The following RASSF5 variants were observed in gnomAD, a reference collection of about 807,000 sequenced individuals.
RASSF5 encodes ras association domain-containing protein 5.
In RASSF5, 25 loss-of-function variants were observed where a neutral mutation model predicts 40.5. That is an observed-to-expected ratio of 0.62 (90% confidence interval 0.45 to 0.86). The LOEUF is 0.86. Ranked by LOEUF, RASSF5 falls within the 40% of genes least tolerant of loss-of-function variation. The pLI is 0.00. For missense variants in RASSF5, 521 were observed against 572.8 expected (o/e 0.91, Z 0.92); for synonymous variants, 246 against 252.4 (o/e 0.97, Z 0.24).
At chr1:206,555,783 G>A (rs1667966587) in intron 2 of RASSF5, among the ~76,000 whole-genome samples, 1 of 152,206 alleles carries the variant, frequency 6.6e-6, no homozygotes, top group Non-Finnish European at 1.5e-5. Flanking sequence ...CAGGCTTCTG[G>A]GAAGAAGACT....
chr1:206,529,529 C>G, intron 1 of RASSF5: 1 of 1,269,580 alleles, frequency 7.9e-7, no homozygotes, highest in Non-Finnish European at 1.1e-6. Flanking sequence ...CACAGGTTAA[C>G]TCAGAAGACA....
Position 206,511,885 on chromosome 1 carries a change from C to T in RASSF5, c.457+3826C>T, listed in dbSNP as rs1192331148. 3.9e-5 allele frequency among the ~76,000 whole-genome samples: 6 copies of T among 152,120 alleles called. No homozygotes were observed. In the East Asian group the frequency reaches 5.8e-4, roughly 15 times the overall value. On this transcript the variant is annotated intron_variant, in intron 1 of 5. Coordinates refer to ENST00000579436, the MANE Select transcript of RASSF5 (RefSeq NM_182663.4). Reference sequence around the variant, plus strand: ...CCCCCGATCCTGCAGACCCATCCCCCGCTTGTGGGTTCTTTGTGAAAAAGG... The same window carrying T: ...CCCCCGATCCTGCAGACCCATCCCCTGCTTGTGGGTTCTTTGTGAAAAAGG...
At chr1:206,564,088 C>T (rs1183280389) in intron 2 of RASSF5, among the ~76,000 whole-genome samples, 4 of 152,224 alleles carry the variant, frequency 2.6e-5, no homozygotes, top group South Asian at 4.1e-4. Flanking sequence ...TCCTGTCCTT[C>T]TCAACAAACA....
chr1:206,553,118 C>T (rs1037476862), intron 2 of RASSF5, among the ~76,000 whole-genome samples: 2 of 151,998 alleles, frequency 1.3e-5, no homozygotes, highest in African/African-American at 4.8e-5. Context: ...AGGAGAATGG[C>T]GTGAACCTGG....
chr1:206,557,714 C>G (rs782264072), intron 2 of RASSF5: 1 of 1,612,796 alleles, frequency 6.2e-7, no homozygotes, highest in African/African-American at 1.3e-5. Context: ...TAATGGAATG[C>G]AGGAGCCTTT....
intron 2 of RASSF5, chr1:206,572,759 A>G (rs1668491951): frequency 6.6e-6 from 1 of 152,250 alleles, no homozygotes; most frequent in Non-Finnish European, 1.5e-5. Context: ...TTAATATAGG[A>G]TATTGATGTA....
Position 206,583,349 on chromosome 1 carries a change from G to A in RASSF5, c.660G>A (p.Thr220=), listed in dbSNP as rs782460962. Residue 220 remains threonine, a synonymous_variant, in exon 3 of 6, where the codon ACG becomes ACA. Transcript: ENST00000579436. The part of the protein sequence containing the change: ...EIKQKIDSYN[T]REKNCLGMKL... The stretch of plus-strand genomic sequence containing the variant: ...AGCAGAAGATCGACAGCTACAACAC[G>A]CGAGAGAAGAACTGCCTGGGCATGA... The A allele has an allele frequency of 1.6e-4, 252 of 1,613,722 alleles. 3 individuals carry two copies. In the South Asian group the frequency reaches 2.3e-3, roughly 15 times the overall value.
chr1:206,585,348 G>A, intron 5 of RASSF5, 53 bp downstream of exon 5: 1 of 1,350,902 alleles, frequency 7.4e-7, no homozygotes, highest in Non-Finnish European at 1.1e-6. Flanking sequence ...CTGGGTGGGT[G>A]CAGGTGGGTG....
chr1:206,586,728 A>T (rs1394180024), intron 5 of RASSF5, 98 bp from the exon 6 acceptor site: 2 of 913,380 alleles, frequency 2.2e-6, no homozygotes, highest in African/African-American at 3.3e-5. Context: ...ACGGATGTGA[A>T]CTGGGAAGGG....
intron 1 of RASSF5, among the ~76,000 whole-genome samples, chr1:206,524,861 A>G (rs1467234789): frequency 6.6e-6 from 1 of 150,966 alleles, no homozygotes; most frequent in Non-Finnish European, 1.5e-5. Flanking sequence ...ATGCACACAT[A>G]CACACACACA....
At chr1:206,567,583 C>T (rs782190906) in intron 2 of RASSF5, among the ~76,000 whole-genome samples, 1 of 152,018 alleles carries the variant, frequency 6.6e-6, no homozygotes, top group East Asian at 1.9e-4. Context: ...CTCGGGGAAC[C>T]ACCACTCTAG....
At chr1:206,545,345 GTTT>G (rs10709687) in intron 2 of RASSF5, among the ~76,000 whole-genome samples, 5,065 of 130,242 alleles carry the variant, frequency 0.039, 312 homozygotes, top group African/African-American at 0.13. Flanking sequence ...AATTTCTTGT[GTTT>G]TTTTTTTTTT....
chr1:206,585,387 G>A, intron 5 of RASSF5, 92 bp downstream of exon 5: 2 of 890,476 alleles, frequency 2.2e-6, no homozygotes, highest in Non-Finnish European at 3.8e-6. Flanking sequence ...ATAGGTGGGA[G>A]CCACGCAGCA....
intron 2 of RASSF5, among the ~76,000 whole-genome samples, chr1:206,550,630 A>T (rs1392994921): frequency 2.6e-5 from 4 of 152,220 alleles, no homozygotes; most frequent in African/African-American, 9.7e-5. Flanking sequence ...TGTAAACTCC[A>T]TGGAGCATGA....
At chr1:206,528,062 A>G (rs1309506197) in intron 1 of RASSF5, among the ~76,000 whole-genome samples, 6 of 152,230 alleles carry the variant, frequency 3.9e-5, no homozygotes, top group African/African-American at 1.4e-4. Flanking sequence ...CTTTATTCAG[A>G]GTTGCCAAAA....
Position 206,587,008 on chromosome 1 carries a change from T to G in RASSF5, c.*30T>G. ...TCCTGCTTCCTCTCCTCCTGGTGCA[T>G]TCAGATTTATTTGTATTATTAATTA... On this transcript the variant is annotated 3_prime_UTR_variant, in exon 6 of 6. Transcript: ENST00000579436. The G allele has an allele frequency of 6.2e-7, 1 of 1,612,696 alleles. No individual in the cohort carries two copies. Among genetic ancestry groups the G allele is most frequent in the Non-Finnish European group, 8.5e-7 (1 of 1,179,138 alleles).
At chr1:206,553,873 A>G (rs2103535783) in intron 2 of RASSF5, among the ~76,000 whole-genome samples, 2 of 152,330 alleles carry the variant, frequency 1.3e-5, no homozygotes, top group Middle Eastern at 6.8e-3. Flanking sequence ...ATAGAGTTCA[A>G]GGACTTGGGT....
intron 2 of RASSF5, among the ~76,000 whole-genome samples, chr1:206,565,845 G>A (rs527994215): frequency 2.0e-5 from 3 of 152,328 alleles, no homozygotes; most frequent in South Asian, 2.1e-4. Flanking sequence ...TGAGGAGGAT[G>A]GAGGGGGATT....
chr1:206,542,914 T>C (rs1265506831), intron 2 of RASSF5: 1 of 152,154 alleles, frequency 6.6e-6, no homozygotes, highest in African/African-American at 2.4e-5. Flanking sequence ...CACAAATATT[T>C]ATTAAGCCAG....
Sources: gnomAD v4.1 joint callset for allele counts (sites outside exome capture counted in the v4.1 genomes callset) on GRCh38, gnomAD v4.1.1 for gene constraint, MANE v1.5 for transcripts, NCBI Gene and HGNC (gene_info 2026-07-23, HGNC 2026-07-21) for gene names.